The following OXTR variants were observed in gnomAD, a reference collection of about 807,000 sequenced individuals.
The protein encoded by OXTR is oxytocin receptor.
A neutral mutation model predicts 23.9 loss-of-function variants in OXTR; 19 were observed. That is an observed-to-expected ratio of 0.80 (90% CI 0.56 to 1.17). The LOEUF (loss-of-function observed/expected upper bound fraction) is 1.17. Among genes scored for constraint, OXTR ranks in the 50% most tolerant of loss-of-function variants. The pLI, the probability that OXTR is intolerant of heterozygous loss-of-function variation, is 0.00. For missense variants in OXTR, 500 were observed against 550.7 expected (o/e 0.91, Z 0.92); for synonymous variants, 278 against 250.5 (o/e 1.11, Z -1.04).
At chr3:8,763,680 T>G (rs35498753) in intron 3 of OXTR, among the ~76,000 whole-genome samples, 23,017 of 152,222 alleles carry the variant, frequency 0.15, 2,254 homozygotes, top group African/African-American at 0.28. Context: ...GGGCATCCAG[T>G]CTCACCAGCC....
rs979470729 is a variant in OXTR, at chr3:8,760,350, G to A, written c.922+6916C>T. On this transcript the variant is annotated intron_variant, in intron 3 of 3. Coordinates refer to ENST00000316793, the MANE Select transcript of OXTR (RefSeq NM_000916.4). ...ACTCTGTGATCAACCTTGACCACAC[G>A]GTCCCACATTTATGCATGTCAGCAG... Among the ~76,000 whole-genome samples, 6 of 152,218 alleles carry A rather than the reference G, an allele frequency of 3.9e-5. No individual in the cohort carries two copies. In the East Asian group the frequency reaches 5.8e-4, roughly 15 times the overall value.
intron 3 of OXTR, among the ~76,000 whole-genome samples, chr3:8,765,934 T>C (rs1218012013): frequency 1.3e-5 from 2 of 152,200 alleles, no homozygotes; most frequent in Non-Finnish European, 2.9e-5. Flanking sequence ...GAGTCTGTGA[T>C]TTTCAGAAAG....
intron 3 of OXTR, among the ~76,000 whole-genome samples, chr3:8,761,399 G>T (rs184733020): frequency 2.0e-5 from 3 of 152,306 alleles, no homozygotes; most frequent in African/African-American, 7.2e-5. Context: ...AGTGGGGGAG[G>T]GTTCAGCTTC....
At chr3:8,765,579 C>A (rs1324399712) in intron 3 of OXTR, among the ~76,000 whole-genome samples, 1 of 152,218 alleles carries the variant, frequency 6.6e-6, no homozygotes, top group African/African-American at 2.4e-5. Flanking sequence ...GTTTCACTTT[C>A]TTGATAGTTG....
rs903236433 is a variant in OXTR at position 8,751,351 on chromosome 3, T to C, written c.*1626A>G. ...GCAGGTTATCTTTTCACCTTCTTGATAGGGTCTTTTCAATCACAAAAGCTT... is the reference window on the plus strand; with the variant it reads ...GCAGGTTATCTTTTCACCTTCTTGACAGGGTCTTTTCAATCACAAAAGCTT... On this transcript the variant is annotated 3_prime_UTR_variant, in exon 4 of 4. Coordinates refer to ENST00000316793, the MANE Select transcript of OXTR (RefSeq NM_000916.4). 3.9e-5 allele frequency: 6 copies of C among 152,238 alleles called. No homozygotes were observed. Among genetic ancestry groups the C allele is most frequent in the Admixed American group, 6.5e-5 (1 of 15,292 alleles). The allele number at this position is 152,238 out of a possible 1,614,324, so 9.4% of individuals were successfully genotyped here.
rs73132856 is a variant in OXTR at position 8,768,922 on chromosome 3, G to C, written c.-239+309C>G. Among the ~76,000 whole-genome samples the C allele has an allele frequency of 0.13, 20,347 of 152,068 alleles. 1,797 individuals carry two copies. The highest frequency in any genetic ancestry group is 0.26 in the African/African-American group (10,735 of 41,414). ...GTGGAAACCCGGTTCTGCAGTCCCT[G>C]CTGGGGGAACCCCTGCCTCAAAGCC... On this transcript the variant is annotated intron_variant, in intron 1 of 3. Coordinates refer to ENST00000316793, the MANE Select transcript of OXTR (RefSeq NM_000916.4). The surrounding 1 kb of genome is among the most constrained non-coding windows in gnomAD (Gnocchi z 5.4).
At chr3:8,741,497 C>T in the OXTR span, among the ~76,000 whole-genome samples, 2 of 151,906 alleles carry the variant, frequency 1.3e-5, no homozygotes, top group Admixed American at 6.6e-5. Flanking sequence ...AAGCTAACTC[C>T]GTGTCATTAC....
chr3:8,753,332 A>T, intron 3 of OXTR, 108 bp from the exon 4 acceptor site: 1 of 1,279,418 alleles, frequency 7.8e-7, no homozygotes, highest in Non-Finnish European at 1.1e-6. Context: ...AGCCTTGTCC[A>T]AGTACTACAT....
At chr3:8,748,849 T>A (rs374933567), downstream of OXTR, among the ~76,000 whole-genome samples, 2 of 152,186 alleles carry the variant, frequency 1.3e-5, no homozygotes, top group Non-Finnish European at 2.9e-5. Flanking sequence ...TGGCAACACA[T>A]AGACTCAAGC....
Position 8,752,974 on chromosome 3 carries a change from G to A in OXTR, c.*3C>T. 1.2e-6 allele frequency: 2 copies of A among 1,608,610 alleles called. No individual in the cohort carries two copies. Among genetic ancestry groups the A allele is most frequent in the Non-Finnish European group, 1.7e-6 (2 of 1,176,442 alleles). On this transcript the variant is annotated 3_prime_UTR_variant, in exon 4 of 4. Coordinates refer to ENST00000316793, the MANE Select transcript of OXTR (RefSeq NM_000916.4). ...GGCTGCAGCCCTGGCCCTGGCTGGTGGGTCACGCCGTGGATGGCTGGGAGC... is the reference window on the plus strand; with the variant it reads ...GGCTGCAGCCCTGGCCCTGGCTGGTAGGTCACGCCGTGGATGGCTGGGAGC...
rs1708711759 is a variant in OXTR, at chr3:8,769,290, CTGACGGCCCCAG to C, written c.-310_-299del. ...TCCCCCCGGGGAAGTTGCACGGCGA[CTGACGGCCCCAG>C]TGACGCGTGCGCTCCCGGCCCGAGT... On this transcript the variant is annotated 5_prime_UTR_variant, in exon 1 of 4. Coordinates refer to ENST00000316793, the MANE Select transcript of OXTR (RefSeq NM_000916.4). 1 of 152,428 alleles carries C rather than the reference CTGACGGCCCCAG, an allele frequency of 6.6e-6. No individual in the cohort carries two copies. Among genetic ancestry groups the C allele is most frequent in the African/African-American group, 2.4e-5 (1 of 41,486 alleles). The allele number at this position is 152,428 out of a possible 1,614,324, so 9.4% of individuals were successfully genotyped here.
downstream of OXTR, chr3:8,745,770 T>C: frequency 6.2e-7 from 1 of 1,614,088 alleles, no homozygotes; most frequent in South Asian, 1.1e-5. The surrounding 1 kb of genome is among the most constrained non-coding windows in gnomAD (Gnocchi z 4.8). Context: ...ATCAGCCACA[T>C]CTACTCACTC....
At chr3:8,756,691 C>A (rs1031002375) in intron 3 of OXTR, among the ~76,000 whole-genome samples, 6 of 152,170 alleles carry the variant, frequency 3.9e-5, no homozygotes, top group Admixed American at 1.3e-4. Flanking sequence ...GAGCTGCCTG[C>A]CAAATGCTCA....
rs1216229201 is a variant in OXTR, at chr3:8,767,920, C to T, written c.268G>A (p.Val90Met). 6.2e-7 allele frequency: 1 copy of T among 1,613,554 alleles called. No individual in the cohort carries two copies. The highest frequency in any genetic ancestry group is 2.2e-5 in the East Asian group (1 of 44,888). The change falls in exon 3 of 4, where the codon GTG (valine) becomes ATG (methionine). Residue 90 changes from valine to methionine, a missense_variant. Physicochemically the swap from Val to Met is conservative, Grantham distance 21 (BLOSUM62 1). Transcript: ENST00000316793. ...AGCAACTGCGGCAGCACCTGAAACA[C>T]TGCCACCACCAGGTCGGCGATGCTT... ...HLSIADLVVA[V>M]FQVLPQLLWD...
downstream of OXTR, chr3:8,745,513 G>C (rs368367319): frequency 4.0e-5 from 65 of 1,608,454 alleles, 1 homozygote; most frequent in African/African-American, 7.5e-4. This position sits in a 1 kb window ranked among gnomAD's most constrained non-coding sequence, Gnocchi z 4.8. Context: ...GCTTCCCCTT[G>C]CCACCCCTGC....
rs905178584 is a variant in OXTR at position 8,751,549 on chromosome 3, G to T, written c.*1428C>A. 3.3e-5 allele frequency: 5 copies of T among 151,336 alleles called. No homozygotes were observed. In the South Asian group the frequency reaches 1.0e-3, roughly 32 times the overall value. 9.4% of individuals were successfully genotyped at this position (151,336 alleles called of 1,614,324 possible). ...TTAGATCTTGGATGCGTTTTGAGTT[G>T]ATTTTTGCACATAGTGTGAGTAAAG... On this transcript the variant is annotated 3_prime_UTR_variant, in exon 4 of 4. Coordinates refer to ENST00000316793, the MANE Select transcript of OXTR (RefSeq NM_000916.4).
chr3:8,751,696 A>C lies in OXTR; in HGVS notation c.*1281T>G, dbSNP rs191301007. The C allele has an allele frequency of 1.2e-4, 19 of 152,206 alleles. No homozygotes were observed. The highest frequency in any genetic ancestry group is 4.3e-4 in the African/African-American group (18 of 41,546). The allele number at this position is 152,206 out of a possible 1,614,324, so 9.4% of individuals were successfully genotyped here. A position where few individuals can be genotyped will look rare whatever the true frequency, so the allele number is the denominator to read the frequency against. On this transcript the variant is annotated 3_prime_UTR_variant, in exon 4 of 4. Coordinates refer to ENST00000316793, the MANE Select transcript of OXTR (RefSeq NM_000916.4). ...CAAAAATCAATTGACCGTAAGTATA[A>C]GTGTTCATATCTGTACTCTTTATTC...
At chr3:8,760,178 CT>C (rs1708457377) in intron 3 of OXTR, among the ~76,000 whole-genome samples, 1 of 152,230 alleles carries the variant, frequency 6.6e-6, no homozygotes, top group East Asian at 1.9e-4. Flanking sequence ...CTATTCTGAA[CT>C]TCAGAAACCT....
chr3:8,767,870 G>A lies in OXTR; in HGVS notation c.318C>T (p.Tyr106=), dbSNP rs1708666587. The change falls in exon 3 of 4, where the codon TAC becomes TAT. Residue 106 remains tyrosine (Y), a synonymous_variant. Transcript: ENST00000316793. ...CCAGGCGGCACAGCAGGTCGGGCCC[G>A]TAGAAGCGGAAGGTGATGTCCCACA... ...QLLWDITFRF[Y]GPDLLCRLVK... is the part of the protein sequence containing the mutation. 2.5e-6 allele frequency: 4 copies of A among 1,613,334 alleles called. No homozygotes were observed. Among genetic ancestry groups the A allele is most frequent in the Non-Finnish European group, 3.4e-6 (4 of 1,179,748 alleles).
Sources: allele counts gnomAD v4.1 joint callset (sites outside exome capture counted in the v4.1 genomes callset), GRCh38; gene constraint gnomAD v4.1.1; non-coding constraint Gnocchi (gnomAD v3.1); transcripts MANE v1.5; gene names NCBI Gene and HGNC (gene_info 2026-07-23, HGNC 2026-07-21).